The following PHF24 variants were observed in gnomAD, a reference collection of about 807,000 sequenced individuals.
PHF24 encodes Galpha inhibitory interacting protein.
A neutral mutation model predicts 42.6 loss-of-function variants in PHF24; 25 were observed. That is an observed-to-expected ratio of 0.59 (90% CI 0.43 to 0.82). The LOEUF (loss-of-function observed/expected upper bound fraction) is 0.82. PHF24 is among the 40% of genes least tolerant of loss of function. The pLI, the probability that PHF24 is intolerant of heterozygous loss-of-function variation, is 0.00. For missense variants in PHF24, 470 were observed against 538.1 expected (o/e 0.87, Z 1.25); for synonymous variants, 185 against 204.8 (o/e 0.90, Z 0.83).
the PHF24 span, among the ~76,000 whole-genome samples, chr9:34,843,904 G>T: frequency 6.6e-6 from 1 of 152,032 alleles, no homozygotes; most frequent in Non-Finnish European, 1.5e-5. Context: ...GTAGAATTCA[G>T]TAGTGAAGCT....
chr9:34,917,258 C>A, the PHF24 span: 2 of 1,128,668 alleles, frequency 1.8e-6, no homozygotes, highest in Non-Finnish European at 2.7e-6. Flanking sequence ...AAGTCCGGGT[C>A]ATGTATATCT....
At chr9:34,710,573 T>A in the PHF24 span, among the ~76,000 whole-genome samples, 2 of 150,694 alleles carry the variant, frequency 1.3e-5, no homozygotes. Flanking sequence ...GCTCGAGTGA[T>A]CCTCCTACCT....
chr9:34,802,086 T>C, the PHF24 span, among the ~76,000 whole-genome samples: 2 of 152,086 alleles, frequency 1.3e-5, no homozygotes, highest in Non-Finnish European at 2.9e-5. Flanking sequence ...TAAAATGAAA[T>C]TAGAAAGAAG....
chr9:34,893,977 A>G, the PHF24 span, among the ~76,000 whole-genome samples: 1 of 152,320 alleles, frequency 6.6e-6, no homozygotes, highest in East Asian at 1.9e-4. Flanking sequence ...AGAAATCTTA[A>G]GAAGAGGATA....
At chr9:34,945,898 A>G in the PHF24 span, among the ~76,000 whole-genome samples, 1 of 152,240 alleles carries the variant, frequency 6.6e-6, no homozygotes, top group Non-Finnish European at 1.5e-5. Flanking sequence ...AATTTCAGCA[A>G]GGCCAATGGG....
chr9:34,904,933 A>G, the PHF24 span, among the ~76,000 whole-genome samples: 1 of 151,664 alleles, frequency 6.6e-6, no homozygotes, highest in Admixed American at 6.6e-5. Context: ...TTACACATTC[A>G]TCAGACACTT....
At chr9:34,770,906 G>C in the PHF24 span, among the ~76,000 whole-genome samples, 1 of 152,108 alleles carries the variant, frequency 6.6e-6, no homozygotes, top group East Asian at 1.9e-4. Flanking sequence ...TTGAGGTCAG[G>C]AGTTAGAGAC....
At chr9:34,713,160 T>C in the PHF24 span, among the ~76,000 whole-genome samples, 2 of 152,330 alleles carry the variant, frequency 1.3e-5, 1 homozygote, top group South Asian at 4.1e-4. Context: ...TATTCTTTGT[T>C]TTGTGGGGTT....
chr9:34,747,325 C>A, the PHF24 span, among the ~76,000 whole-genome samples: 1 of 151,964 alleles, frequency 6.6e-6, no homozygotes, highest in Non-Finnish European at 1.5e-5. Context: ...CTGAAGTGCA[C>A]GGATCGCTTG....
the PHF24 span, chr9:34,895,919 G>A: frequency 1.8e-5 from 7 of 388,468 alleles, no homozygotes; most frequent in East Asian, 2.6e-4. Context: ...GGCTTACTAT[G>A]GTGATTCAAT....
the PHF24 span, among the ~76,000 whole-genome samples, chr9:34,802,709 G>A: frequency 6.6e-6 from 1 of 152,188 alleles, no homozygotes; most frequent in Non-Finnish European, 1.5e-5. Flanking sequence ...TGCTCAAGTA[G>A]TCAAGAAATT....
At chr9:34,854,071 G>C in the PHF24 span, among the ~76,000 whole-genome samples, 1 of 151,956 alleles carries the variant, frequency 6.6e-6, no homozygotes, top group Non-Finnish European at 1.5e-5. Flanking sequence ...GCATAGAGGT[G>C]TTTATAGTAT....
chr9:34,710,477 T>TTC, the PHF24 span, among the ~76,000 whole-genome samples: 1 of 150,544 alleles, frequency 6.6e-6, no homozygotes, highest in East Asian at 2.0e-4. Context: ...TTTTTTTTTT[T>TTC]TTTTTTTTTG....
At chr9:34,674,031 C>T in the PHF24 span, among the ~76,000 whole-genome samples, 20 of 152,212 alleles carry the variant, frequency 1.3e-4, no homozygotes, top group Admixed American at 7.9e-4. Context: ...GCTGGGATTA[C>T]AGGCGTGAGC....
At chr9:34,741,848 G>T in the PHF24 span, among the ~76,000 whole-genome samples, 1 of 152,058 alleles carries the variant, frequency 6.6e-6, no homozygotes, top group Non-Finnish European at 1.5e-5. Flanking sequence ...TAAGCAGATG[G>T]AACTAAGACA....
At chr9:34,869,640 GTA>G in the PHF24 span, among the ~76,000 whole-genome samples, 3 of 151,946 alleles carry the variant, frequency 2.0e-5, no homozygotes, top group African/African-American at 4.8e-5. Context: ...TGTGTGTTTT[GTA>G]TACACACACA....
chr9:34,935,194 G>A, the PHF24 span, among the ~76,000 whole-genome samples: 1 of 152,170 alleles, frequency 6.6e-6, no homozygotes, highest in Non-Finnish European at 1.5e-5. Context: ...ATTGAGAACT[G>A]AATCCTGGAT....
chr9:34,935,989 G>A, the PHF24 span, among the ~76,000 whole-genome samples: 1 of 149,904 alleles, frequency 6.7e-6, no homozygotes. Context: ...GTGAATAAGA[G>A]TCCTCAAAAA....
chr9:34,956,308 G>A (rs900857138), upstream of PHF24, among the ~76,000 whole-genome samples: 2 of 152,192 alleles, frequency 1.3e-5, no homozygotes, highest in African/African-American at 4.8e-5. Flanking sequence ...CACCCAGGCT[G>A]GAATGCAGTG....
Sources: gnomAD v4.1 joint callset for allele counts (sites outside exome capture counted in the v4.1 genomes callset) on GRCh38, gnomAD v4.1.1 for gene constraint, MANE v1.5 for transcripts, NCBI Gene and HGNC (gene_info 2026-07-23, HGNC 2026-07-21) for gene names.